The following AGBL1 variants were observed in gnomAD, a reference collection of about 807,000 sequenced individuals.
AGBL1 encodes the protein AGBL carboxypeptidase 1.
Under a neutral mutation model 118.9 loss-of-function variants are expected in AGBL1, and 130 were observed. The observed-to-expected ratio is 1.09, with a 90% confidence interval of 0.95 to 1.26. The LOEUF (loss-of-function observed/expected upper bound fraction) is 1.26. AGBL1 is among the 50% of genes most tolerant of loss of function. The pLI is 0.00. For synonymous variants in AGBL1, 555 were observed against 478.9 expected, an observed-to-expected ratio of 1.16 and a Z score of -2.08; for missense variants, 1,584 against 1,298.1, an observed-to-expected ratio of 1.22 and a Z score of -3.38.
intron 1 of AGBL1, among the ~76,000 whole-genome samples, chr15:86,125,307 A>C (rs1225509890): frequency 1.3e-5 from 2 of 152,194 alleles, no homozygotes; most frequent in South Asian, 2.1e-4. Flanking sequence ...TATTAATCTT[A>C]TTTCCATGAT....
chr15:86,228,065 G>A (rs1170996162), intron 6 of AGBL1, among the ~76,000 whole-genome samples: 1 of 152,192 alleles, frequency 6.6e-6, no homozygotes, highest in African/African-American at 2.4e-5. Flanking sequence ...AGTATTGATG[G>A]CATGAAGGGT....
chr15:86,757,482 T>G (rs58340435), intron 22 of AGBL1, among the ~76,000 whole-genome samples: 42,581 of 151,972 alleles, frequency 0.28, 6,138 homozygotes, highest in East Asian at 0.32. Flanking sequence ...GCCATTTCTT[T>G]TGATCTTCTC....
At chr15:86,184,713 A>G (rs62013763) in intron 5 of AGBL1, among the ~76,000 whole-genome samples, 5,929 of 152,230 alleles carry the variant, frequency 0.039, 170 homozygotes, top group African/African-American at 0.076. Flanking sequence ...ATACTGCCCA[A>G]GGTAATTTAT....
intron 22 of AGBL1, among the ~76,000 whole-genome samples, chr15:86,798,697 T>C (rs1039606820): frequency 6.6e-6 from 1 of 150,470 alleles, no homozygotes; most frequent in African/African-American, 2.5e-5. Context: ...TAATACTACA[T>C]ACATGCTGGG....
At chr15:86,679,916 G>A (rs976628782) in intron 22 of AGBL1, among the ~76,000 whole-genome samples, 1 of 152,018 alleles carries the variant, frequency 6.6e-6, no homozygotes. Flanking sequence ...TTTTAATGTA[G>A]AGATTGATAT....
intron 18 of AGBL1, among the ~76,000 whole-genome samples, chr15:86,507,916 T>G (rs902143311): frequency 4.6e-5 from 7 of 151,974 alleles, no homozygotes; most frequent in African/African-American, 1.7e-4. Flanking sequence ...CCTGAGCAAC[T>G]GGTGATTAGG....
At chr15:86,277,316 G>A (rs1294977564) in intron 15 of AGBL1, among the ~76,000 whole-genome samples, 1 of 99,792 alleles carries the variant, frequency 1.0e-5, no homozygotes, top group Non-Finnish European at 2.0e-5. Context: ...GTGTGTGTGT[G>A]TATGTGTGTG....
rs546206576 is a variant in AGBL1, at chr15:86,545,312, G to C, written c.2686-690G>C. Among the ~76,000 whole-genome samples, 8 of 152,278 alleles carry C rather than the reference G, an allele frequency of 5.3e-5. No homozygotes were observed. The East Asian group carries it at 1.4e-3, about 26-fold the overall frequency. On this transcript the variant is annotated intron_variant, in intron 19 of 22. Coordinates refer to ENST00000614907, the MANE Select transcript of AGBL1 (RefSeq NM_001386094.1). ...TCATTCTTTTCCACATTGGAGCCTA[G>C]AGAAAAATTAGAGTGATTGATTAGC...
chr15:86,694,100 G>C lies in AGBL1; in HGVS notation c.3158+19664G>C, dbSNP rs2218956. Among the ~76,000 whole-genome samples the C allele has an allele frequency of 4.6e-3, 692 of 151,800 alleles. 4 individuals are homozygous for C. The highest frequency in any genetic ancestry group is 0.016 in the African/African-American group (661 of 41,386). Reference sequence around the variant, plus strand: ...CAGGCTCTTTTTTGGTTCCATATGAGTTTTAGGATTGTTTTTTCTAGTTCT... The same window carrying C: ...CAGGCTCTTTTTTGGTTCCATATGACTTTTAGGATTGTTTTTTCTAGTTCT... On this transcript the variant is annotated intron_variant, in intron 22 of 22. Coordinates refer to ENST00000614907, the MANE Select transcript of AGBL1 (RefSeq NM_001386094.1).
At chr15:86,113,434 C>T (rs1897559878) in intron 1 of AGBL1, among the ~76,000 whole-genome samples, 1 of 151,562 alleles carries the variant, frequency 6.6e-6, no homozygotes, top group Non-Finnish European at 1.5e-5. Flanking sequence ...ATTACAGGTG[C>T]CCACCACCAT....
chr15:86,498,987 T>C (rs1338149633), intron 18 of AGBL1, among the ~76,000 whole-genome samples: 4 of 152,016 alleles, frequency 2.6e-5, no homozygotes, highest in African/African-American at 9.6e-5. Context: ...AACATGTATC[T>C]ATCTACAGAA....
intron 21 of AGBL1, among the ~76,000 whole-genome samples, chr15:86,635,635 A>G (rs1255298448): frequency 6.6e-6 from 1 of 152,014 alleles, no homozygotes; most frequent in African/African-American, 2.4e-5. Flanking sequence ...GTCTAGCAGT[A>G]AATACAGCTT....
At chr15:86,217,151 T>C (rs1043943550) in intron 5 of AGBL1, among the ~76,000 whole-genome samples, 8 of 152,202 alleles carry the variant, frequency 5.3e-5, no homozygotes, top group African/African-American at 1.9e-4. Context: ...AGAATACTAA[T>C]TTAGTGGGCT....
chr15:86,394,561 G>A (rs1242245375), intron 17 of AGBL1, among the ~76,000 whole-genome samples: 1 of 152,078 alleles, frequency 6.6e-6, no homozygotes, highest in Non-Finnish European at 1.5e-5. Context: ...ACCAAATAGT[G>A]GTTTACTGTT....
intron 5 of AGBL1, among the ~76,000 whole-genome samples, chr15:86,162,739 C>T (rs2077284573): frequency 6.6e-6 from 1 of 152,220 alleles, no homozygotes; most frequent in African/African-American, 2.4e-5. Flanking sequence ...GAATGTGCCT[C>T]AGCTTCCCTT....
At chr15:86,918,953 G>T (rs534198515), downstream of AGBL1, among the ~76,000 whole-genome samples, 1 of 152,142 alleles carries the variant, frequency 6.6e-6, no homozygotes, top group Non-Finnish European at 1.5e-5. Context: ...TGTCTGTCAT[G>T]TCCGTGCGTG....
At chr15:86,380,237 C>CTGCT (rs1201597942) in intron 17 of AGBL1, among the ~76,000 whole-genome samples, 13 of 150,176 alleles carry the variant, frequency 8.7e-5, no homozygotes, top group Middle Eastern at 3.5e-3. Context: ...CCTCCCCTGC[C>CTGCT]TGCCTGCCTC....
intron 21 of AGBL1, among the ~76,000 whole-genome samples, chr15:86,604,920 T>G (rs1024905462): frequency 6.6e-6 from 1 of 151,438 alleles, no homozygotes; most frequent in Non-Finnish European, 1.5e-5. Context: ...CTCAGCCTCC[T>G]GAGTAGCTGG....
At chr15:86,255,018 C>T (rs939530816) in intron 7 of AGBL1, among the ~76,000 whole-genome samples, 4 of 152,128 alleles carry the variant, frequency 2.6e-5, no homozygotes, top group Admixed American at 2.6e-4. Context: ...TTTGAACTTG[C>T]CTTCATCCTT....
Sources: gnomAD v4.1 joint callset for allele counts (sites outside exome capture counted in the v4.1 genomes callset) on GRCh38, gnomAD v4.1.1 for gene constraint, MANE v1.5 for transcripts, NCBI Gene and HGNC (gene_info 2026-07-23, HGNC 2026-07-21) for gene names.